PLEKHA5: variants seen among roughly 807,000 people sequenced by gnomAD.
PLEKHA5 encodes pleckstrin homology domain containing A5.
In PLEKHA5, 55 loss-of-function variants were observed where a neutral mutation model predicts 181.9. The ratio of observed to expected loss-of-function variants is 0.30; its 90% CI spans 0.24 to 0.38. PLEKHA5 has a LOEUF of 0.38. Among genes scored for constraint, PLEKHA5 ranks in the 10% least tolerant of loss-of-function variants. PLEKHA5 has a pLI of 1.00. For synonymous variants in PLEKHA5, 535 were observed against 529.4 expected (o/e 1.01, Z -0.15); for missense variants, 1,432 against 1,549.5 (o/e 0.92, Z 1.27).
chr12:19,271,427 T>A (rs1343245209), intron 10 of PLEKHA5, among the ~76,000 whole-genome samples: 6 of 151,996 alleles, frequency 3.9e-5, no homozygotes, highest in Non-Finnish European at 8.8e-5. Flanking sequence ...ATCACTTGAA[T>A]CAGGAGGTTG....
At chr12:19,138,524 G>A (rs1352684286) in intron 3 of PLEKHA5, among the ~76,000 whole-genome samples, 1 of 150,026 alleles carries the variant, frequency 6.7e-6, no homozygotes, top group Non-Finnish European at 1.5e-5. Flanking sequence ...AGTGGGCCGA[G>A]ATCACGCCAC....
At chr12:19,150,315 T>G (rs550986119) in intron 3 of PLEKHA5, 1 of 152,302 alleles carries the variant, frequency 6.6e-6, no homozygotes, top group African/African-American at 2.4e-5. Flanking sequence ...ATCTGACTGA[T>G]TCTGTTTTGG....
chr12:19,200,312 T>G, intron 3 of PLEKHA5: 1 of 1,524,874 alleles, frequency 6.6e-7, no homozygotes, highest in Non-Finnish European at 8.8e-7. Context: ...TTTTTTATCC[T>G]TTATCCTTCC....
chr12:19,368,561 G>A (rs1279602429), intron 30 of PLEKHA5, among the ~76,000 whole-genome samples: 2 of 152,182 alleles, frequency 1.3e-5, no homozygotes, highest in Non-Finnish European at 2.9e-5. Context: ...GGGAGACTGA[G>A]GCAGGTGGAT....
At chr12:19,306,634 C>G (rs2152955098) in intron 15 of PLEKHA5, 2 of 1,140,864 alleles carry the variant, frequency 1.8e-6, no homozygotes, top group South Asian at 1.2e-5. Context: ...GTGGAGGCGG[C>G]GGCATCGAGG....
chr12:19,173,825 T>C (rs556957706), intron 3 of PLEKHA5, among the ~76,000 whole-genome samples: 2 of 152,206 alleles, frequency 1.3e-5, no homozygotes, highest in African/African-American at 2.4e-5. Context: ...GTGGTCTAGA[T>C]AGTTCATGTT....
intron 31 of PLEKHA5, 84 bp downstream of exon 31, chr12:19,369,882 G>T (rs2095532937): frequency 1.3e-6 from 1 of 773,054 alleles, no homozygotes; most frequent in East Asian, 2.7e-5. Flanking sequence ...ATCAAAACTG[G>T]GATTAGTTCT....
chr12:19,335,783 C>A (rs2093377526), intron 20 of PLEKHA5, among the ~76,000 whole-genome samples: 1 of 151,930 alleles, frequency 6.6e-6, no homozygotes, highest in Non-Finnish European at 1.5e-5. Flanking sequence ...AGGCACAAGT[C>A]ATCGGGCCCA....
chr12:19,211,845 T>C (rs1328077967), intron 3 of PLEKHA5, among the ~76,000 whole-genome samples: 1 of 152,160 alleles, frequency 6.6e-6, no homozygotes, highest in Admixed American at 6.5e-5. Context: ...TTAAAGTTAC[T>C]TACCTTTTTT....
Position 19,322,298 on chromosome 12 carries a change from C to A in PLEKHA5, c.2218-12C>A. ...AAAAATTGCTAACAAGACATCTTCT[C>A]TTATAACCTAGGCCAAGTTAAGCCG... On this transcript the variant is annotated splice_polypyrimidine_tract_variant and intron_variant, in intron 18 of 31. Coordinates refer to ENST00000429027, the MANE Select transcript of PLEKHA5 (RefSeq NM_001256470.2). The A allele has an allele frequency of 1.3e-6, 2 of 1,599,482 alleles. No homozygotes were observed. The highest frequency in any genetic ancestry group is 1.7e-6 in the Non-Finnish European group (2 of 1,167,358).
intron 3 of PLEKHA5, among the ~76,000 whole-genome samples, chr12:19,134,064 T>C (rs1171767652): frequency 1.3e-5 from 2 of 152,074 alleles, no homozygotes; most frequent in African/African-American, 4.8e-5. Flanking sequence ...AATAACATTT[T>C]AATTTCTTTG....
intron 11 of PLEKHA5, among the ~76,000 whole-genome samples, chr12:19,281,872 C>A (rs2076247276): frequency 6.6e-6 from 1 of 152,034 alleles, no homozygotes; most frequent in Non-Finnish European, 1.5e-5. Context: ...AGCTCGGCTT[C>A]CTGGGGTCAC....
At chr12:19,200,561 C>T in intron 3 of PLEKHA5, 5 of 1,270,680 alleles carry the variant, frequency 3.9e-6, no homozygotes, top group Non-Finnish European at 5.0e-6. Context: ...TTTCCTCATT[C>T]CTAGTAGATC....
At chr12:19,233,162 CTT>C (rs1158682766) in intron 3 of PLEKHA5, among the ~76,000 whole-genome samples, 10 of 151,878 alleles carry the variant, frequency 6.6e-5, no homozygotes, top group Non-Finnish European at 1.3e-4. Context: ...TTTGGTTTTT[CTT>C]TTTTTAAGTC....
At chr12:19,241,851 C>T (rs1293063544) in intron 3 of PLEKHA5, among the ~76,000 whole-genome samples, 1 of 151,938 alleles carries the variant, frequency 6.6e-6, no homozygotes. Flanking sequence ...TGCGCCTGCA[C>T]AGTGGCTGAG....
intron 29 of PLEKHA5, among the ~76,000 whole-genome samples, chr12:19,362,939 C>T (rs1441763407): frequency 6.6e-6 from 1 of 151,456 alleles, no homozygotes; most frequent in Non-Finnish European, 1.5e-5. Context: ...TCTGGAGGGC[C>T]AACTGTACTA....
chr12:19,334,970 ATTT>A (rs1248774223), intron 20 of PLEKHA5, among the ~76,000 whole-genome samples: 1 of 75,870 alleles, frequency 1.3e-5, no homozygotes, highest in African/African-American at 5.5e-5. Flanking sequence ...TTCACCTAAG[ATTT>A]TTTTTTTATG....
At chr12:19,327,380 T>TTATA (rs2092311978) in intron 20 of PLEKHA5, among the ~76,000 whole-genome samples, 1 of 151,920 alleles carries the variant, frequency 6.6e-6, no homozygotes, top group Admixed American at 6.6e-5. Flanking sequence ...TATTGGCCAC[T>TTATA]TGTATGTCTT....
At chr12:19,346,315 AC>A (rs1272637706) in intron 23 of PLEKHA5, among the ~76,000 whole-genome samples, 1 of 152,134 alleles carries the variant, frequency 6.6e-6, no homozygotes, top group African/African-American at 2.4e-5. Flanking sequence ...TCGTATAAAA[AC>A]CAAAGAGGTA....
Sources: gnomAD v4.1 joint callset for allele counts (sites outside exome capture counted in the v4.1 genomes callset) on GRCh38, gnomAD v4.1.1 for gene constraint, MANE v1.5 for transcripts, NCBI Gene and HGNC (gene_info 2026-07-23, HGNC 2026-07-21) for gene names.